The following ATL1 variants were observed in gnomAD, a reference collection of about 807,000 sequenced individuals.
The protein encoded by ATL1 is atlastin GTPase 1, also known as atlastin-1.
A neutral mutation model predicts 75.5 loss-of-function variants in ATL1; 31 were observed. That is an observed-to-expected ratio of 0.41 (90% CI 0.31 to 0.55). The LOEUF is 0.55. Among genes scored for constraint, ATL1 ranks in the 20% least tolerant of loss-of-function variants. The pLI is 0.27. For missense variants in ATL1, 405 were observed against 662.6 expected (o/e 0.61, Z 4.27); for synonymous variants, 226 against 233.3 (o/e 0.97, Z 0.28).
chr14:50,571,776 T>C (rs2140185779), intron 1 of ATL1: 1 of 157,964 alleles, frequency 6.3e-6, no homozygotes, highest in African/African-American at 2.4e-5. Context: ...ATTTTCTTTT[T>C]TTGACTATTA....
chr14:50,591,153 C>G (rs766437609), intron 3 of ATL1, 78 bp downstream of exon 3: 4 of 1,433,652 alleles, frequency 2.8e-6, no homozygotes, highest in Non-Finnish European at 2.9e-6. Flanking sequence ...TGAAGTTGCA[C>G]TTTTGAAAAT....
chr14:50,596,952 G>C (rs1329793182), intron 6 of ATL1, among the ~76,000 whole-genome samples: 1 of 152,116 alleles, frequency 6.6e-6, no homozygotes, highest in Non-Finnish European at 1.5e-5. Flanking sequence ...GCTCACACCT[G>C]TAATCCCAGC....
chr14:50,609,513 A>G (rs1232243944), intron 6 of ATL1, among the ~76,000 whole-genome samples: 4 of 152,056 alleles, frequency 2.6e-5, no homozygotes, highest in African/African-American at 7.2e-5. Context: ...TCATAATTCA[A>G]CCATCCCTGA....
chr14:50,609,622 T>C (rs999804852), intron 6 of ATL1, among the ~76,000 whole-genome samples: 1 of 152,020 alleles, frequency 6.6e-6, no homozygotes, highest in Non-Finnish European at 1.5e-5. Flanking sequence ...TGAATTTGAA[T>C]TGGGAATGTC....
chr14:50,537,888 G>A (rs886172288), intron 1 of ATL1, among the ~76,000 whole-genome samples: 2 of 152,178 alleles, frequency 1.3e-5, no homozygotes, highest in African/African-American at 2.4e-5. Context: ...TTGGTGGAAG[G>A]GACTTGCCTT....
chr14:50,563,626 A>T (rs1335024159), intron 1 of ATL1, among the ~76,000 whole-genome samples: 1 of 152,206 alleles, frequency 6.6e-6, no homozygotes, highest in Non-Finnish European at 1.5e-5. Flanking sequence ...AGGACCATAT[A>T]ACAGGTGTTT....
rs532321546 is a variant in ATL1 at position 50,536,512 on chromosome 14, A to G, written c.-140+3145A>G. 1.5e-4 allele frequency among the ~76,000 whole-genome samples: 23 copies of G among 152,238 alleles called. No homozygotes were observed. In the East Asian group the frequency reaches 4.4e-3, roughly 29 times the overall value. The stretch of plus-strand genomic sequence containing the variant: ...AAAGTTACCTGAAAATATGGAAGCA[A>G]CTTTGGAACTGGGTAACAGGCAGAG... On this transcript the variant is annotated intron_variant, in intron 1 of 13. Transcript: ENST00000441560.
chr14:50,574,908 AGTGTGTGTGT>A (rs35304376), intron 1 of ATL1, among the ~76,000 whole-genome samples: 6 of 52,274 alleles, frequency 1.1e-4, no homozygotes, highest in East Asian at 5.8e-4. Context: ...TTCAATACTG[AGTGTGTGTGT>A]GTGTGTGTGT....
At chr14:50,562,905 T>A (rs1374131792) in intron 1 of ATL1, among the ~76,000 whole-genome samples, 1 of 152,208 alleles carries the variant, frequency 6.6e-6, no homozygotes, top group African/African-American at 2.4e-5. Context: ...TCTAATAGAA[T>A]GCCTAACACA....
At chr14:50,562,245 C>G (rs995421933) in intron 1 of ATL1, among the ~76,000 whole-genome samples, 5 of 152,080 alleles carry the variant, frequency 3.3e-5, no homozygotes, top group Non-Finnish European at 7.4e-5. Context: ...AGAGTTTCAC[C>G]ATGTTAGCCA....
intron 1 of ATL1, among the ~76,000 whole-genome samples, chr14:50,551,675 C>T (rs1180251062): frequency 6.6e-6 from 1 of 152,086 alleles, no homozygotes; most frequent in Non-Finnish European, 1.5e-5. Context: ...AGATAATATA[C>T]ATGATGAAGT....
Position 50,632,991 on chromosome 14 carries a change from T to C in ATL1, c.*652T>C, listed in dbSNP as rs1342020787. 6.6e-6 allele frequency: 1 copy of C among 152,216 alleles called. No homozygotes were observed. The highest frequency in any genetic ancestry group is 2.4e-5 in the African/African-American group (1 of 41,456). 9.4% of individuals were successfully genotyped at this position (152,216 alleles called of 1,614,324 possible). A position where few individuals can be genotyped will look rare whatever the true frequency, so the allele number is the denominator to read the frequency against. On this transcript the variant is annotated 3_prime_UTR_variant, in exon 14 of 14. Transcript: ENST00000358385. ...AAAGAATGTATTCTTCATAGGTTTA[T>C]TCTTTTAATATGTGAACTATTATTA...
chr14:50,575,824 A>G (rs1346834739), intron 1 of ATL1, among the ~76,000 whole-genome samples: 1 of 152,182 alleles, frequency 6.6e-6, no homozygotes, highest in Non-Finnish European at 1.5e-5. Flanking sequence ...GTATATGAAT[A>G]TGATTATTCT....
At chr14:50,566,824 A>G (rs892081339) in intron 1 of ATL1, among the ~76,000 whole-genome samples, 2 of 152,194 alleles carry the variant, frequency 1.3e-5, no homozygotes, top group Admixed American at 6.6e-5. Context: ...AGTCCATTTA[A>G]ACAATATTTT....
In ATL1 at chr14:50,614,621, T is replaced by G. The variant is rs967898719; in HGVS notation, c.862+110T>G. On this transcript the variant is annotated intron_variant, in intron 8 of 13. Coordinates refer to ENST00000358385, the MANE Select transcript of ATL1 (RefSeq NM_015915.5). ...TTTAGTTTATCCACTGATAGGAGGC[T>G]GATGATTAGAAATTGTCAGGAGAAT... The G allele has an allele frequency of 6.4e-6, 8 of 1,241,946 alleles. No individual in the cohort carries two copies. In the South Asian group the frequency reaches 1.0e-4, roughly 16 times the overall value. 76.9% of individuals were successfully genotyped at this position (1,241,946 alleles called of 1,614,324 possible).
intron 2 of ATL1, 71 bp downstream of exon 2, chr14:50,588,149 T>G: frequency 6.3e-7 from 1 of 1,588,906 alleles, no homozygotes; most frequent in Non-Finnish European, 8.6e-7. Context: ...TATTTCATGG[T>G]GTTCAAAATT....
At chr14:50,558,368 C>G (rs1364893416), upstream of ATL1, among the ~76,000 whole-genome samples, 1 of 152,112 alleles carries the variant, frequency 6.6e-6, no homozygotes, top group African/African-American at 2.4e-5. Flanking sequence ...GGAAAACAAA[C>G]AAACAACAGA....
chr14:50,546,590 G>A (rs2038635487), intron 1 of ATL1, among the ~76,000 whole-genome samples: 1 of 152,122 alleles, frequency 6.6e-6, no homozygotes, highest in Admixed American at 6.5e-5. Context: ...AAATAGAAAT[G>A]TCTTCAGAAT....
intron 1 of ATL1, among the ~76,000 whole-genome samples, chr14:50,535,913 T>G (rs2038485550): frequency 6.6e-6 from 1 of 152,210 alleles, no homozygotes; most frequent in African/African-American, 2.4e-5. Context: ...CATGCTGTTT[T>G]CATGATAGTG....
Sources: gnomAD v4.1 joint callset for allele counts (sites outside exome capture counted in the v4.1 genomes callset) on GRCh38, gnomAD v4.1.1 for gene constraint, MANE v1.5 for transcripts, NCBI Gene and HGNC (gene_info 2026-07-23, HGNC 2026-07-21) for gene names.